Variants in FRMD1 observed in about 807,000 individuals in gnomAD.
FRMD1 encodes the protein FERM domain-containing protein 1.
Under a neutral mutation model 54.9 loss-of-function variants are expected in FRMD1, and 51 were observed. The observed-to-expected ratio is 0.93, with a 90% CI of 0.74 to 1.17. The LOEUF (loss-of-function observed/expected upper bound fraction) is 1.17, where lower values mean the gene tolerates loss of function less well. Among genes scored for constraint, FRMD1 ranks in the 50% most tolerant of loss-of-function variants. The pLI, the probability that FRMD1 is intolerant of heterozygous loss-of-function variation, is 0.00. For missense variants in FRMD1, 729 were observed against 743.0 expected (o/e 0.98, Z 0.22); for synonymous variants, 324 against 306.4 (o/e 1.06, Z -0.60).
At chr6:168,088,954 T>C (rs1157624190) in intron 1 of FRMD1, among the ~76,000 whole-genome samples, 1 of 144,536 alleles carries the variant, frequency 6.9e-6, no homozygotes, top group Non-Finnish European at 1.5e-5. Flanking sequence ...CAGACACTGA[T>C]CACACGTGCC....
chr6:168,081,499 T>C, upstream of FRMD1: 2 of 1,533,018 alleles, frequency 1.3e-6, no homozygotes, highest in Admixed American at 2.0e-5. Flanking sequence ...GGAGTCCTCC[T>C]CGGCCCAACT....
At position 168,061,032 on chromosome 6, in the gene FRMD1, A is replaced by C. The variant is rs368350903; in HGVS notation, c.1071T>G (p.Tyr357Ter). The C allele has an allele frequency of 1.9e-6, 3 of 1,611,784 alleles. No homozygotes were observed. Among genetic ancestry groups the C allele is most frequent in the Non-Finnish European group, 2.5e-6 (3 of 1,179,126 alleles). Residue 357 changes from tyrosine (Y) to a stop codon, truncating the protein, a stop_gained, in exon 9 of 11, where the codon TAT (tyrosine) becomes TAG (stop). Coordinates refer to ENST00000283309, the MANE Select transcript of FRMD1 (RefSeq NM_024919.6). LOFTEE classifies it high-confidence loss of function. ...GGTCCAGCTCCAGCTCATCGCTGATATAGGACTCCCGGTAGTGCTGCTTCT... is the reference window on the plus strand; with the variant it reads ...GGTCCAGCTCCAGCTCATCGCTGATCTAGGACTCCCGGTAGTGCTGCTTCT... ...AEEKQHYRES[Y>*]ISDELELDLA...
rs1799408232 is a variant in FRMD1, at chr6:168,056,458, G to C, written c.*639C>G. The C allele has an allele frequency of 6.6e-6, 1 of 152,516 alleles. No homozygotes were observed. The highest frequency in any genetic ancestry group is 2.4e-5 in the African/African-American group (1 of 41,452). 9.4% of individuals were successfully genotyped at this position (152,516 alleles called of 1,614,324 possible). On this transcript the variant is annotated 3_prime_UTR_variant, in exon 11 of 11. Transcript: ENST00000283309. ...GTGGGGTCTTTGGAAGCCCTGGCTT[G>C]GAAGGGAAAGCACAGCCATTGACTG...
chr6:168,067,240 A>G (rs1368051214), intron 3 of FRMD1, 127 bp downstream of exon 3: 6 of 670,334 alleles, frequency 9.0e-6, no homozygotes, highest in Non-Finnish European at 1.6e-5. Flanking sequence ...CTCTCTCCCA[A>G]CCCACGCATC....
At chr6:168,085,804 T>C (rs1424876254), upstream of FRMD1, among the ~76,000 whole-genome samples, 1 of 151,210 alleles carries the variant, frequency 6.6e-6, no homozygotes, top group Non-Finnish European at 1.5e-5. Context: ...AAGCCTTCCA[T>C]GGCTCCCTAT....
At chr6:168,066,867 G>A (rs753494961) in intron 3 of FRMD1, 36 bp from the exon 4 acceptor site, 14 of 1,605,722 alleles carry the variant, frequency 8.7e-6, no homozygotes, top group South Asian at 2.2e-5. Flanking sequence ...CAAGTGAGCC[G>A]CAGGGAGGTG....
chr6:168,076,156 G>A (rs999139837), intron 1 of FRMD1, among the ~76,000 whole-genome samples: 1 of 152,192 alleles, frequency 6.6e-6, no homozygotes, highest in Non-Finnish European at 1.5e-5. Context: ...AGCCTGTGAC[G>A]GAGGGTGCAG....
In FRMD1 at chr6:168,067,367, T is replaced by A; in HGVS notation, c.384A>T (p.Glu128Asp). 1 of 1,591,740 alleles carries A rather than the reference T, an allele frequency of 6.3e-7. No individual in the cohort carries two copies. Among genetic ancestry groups the A allele is most frequent in the Non-Finnish European group, 8.6e-7 (1 of 1,166,164 alleles). Reference protein sequence around the residue: ...FSKDWKKERNEGNEKPRAPFV... With the variant: ...FSKDWKKERNDGNEKPRAPFV... ...CTCCCACCCGACACTCTACACTTAC[T>A]TCATTTCTTTCTTTCTTCCAATCTT... The change falls in exon 3 of 11, where the codon GAA becomes GAT. Residue 128 changes from glutamate to aspartate, a missense_variant and splice_region_variant. By Grantham distance (45) the Glu-to-Asp change is conservative. Transcript: ENST00000283309.
At chr6:168,086,660 A>C (rs1408534746) in intron 1 of FRMD1, among the ~76,000 whole-genome samples, 9 of 152,184 alleles carry the variant, frequency 5.9e-5, no homozygotes, top group African/African-American at 1.9e-4. Flanking sequence ...CCATGTTCCC[A>C]CTGTGGACAT....
chr6:168,057,401 G>A, intron 10 of FRMD1, 62 bp from the exon 11 acceptor site: 1 of 1,576,070 alleles, frequency 6.3e-7, no homozygotes, highest in South Asian at 1.2e-5. Context: ...ACCGCACACG[G>A]CAGCCACACT....
chr6:168,064,440 G>T (rs1450528531), intron 5 of FRMD1, among the ~76,000 whole-genome samples: 1 of 152,194 alleles, frequency 6.6e-6, no homozygotes, highest in Non-Finnish European at 1.5e-5. Context: ...CCAGGGGGAT[G>T]CCACTCCTTC....
At chr6:168,070,120 A>G (rs1447314337) in intron 2 of FRMD1, among the ~76,000 whole-genome samples, 3 of 152,032 alleles carry the variant, frequency 2.0e-5, no homozygotes, top group Non-Finnish European at 2.9e-5. Context: ...GCCACTCAGG[A>G]GGCTGACGCC....
At chr6:168,073,936 G>C (rs1052897167) in intron 2 of FRMD1, among the ~76,000 whole-genome samples, 1 of 152,012 alleles carries the variant, frequency 6.6e-6, no homozygotes, top group East Asian at 1.9e-4. Flanking sequence ...GCAAGACAGG[G>C]GGATATTCAG....
intron 1 of FRMD1, chr6:168,075,664 CG>C (rs1451083863): frequency 6.0e-6 from 7 of 1,173,736 alleles, no homozygotes; most frequent in Non-Finnish European, 8.7e-6. Context: ...ACTCCAGGGC[CG>C]CCCTCTGGGC....
At chr6:168,064,684 T>G (rs1020510156) in intron 5 of FRMD1, among the ~76,000 whole-genome samples, 187 bp downstream of exon 5, 2 of 152,192 alleles carry the variant, frequency 1.3e-5, no homozygotes, top group African/African-American at 4.8e-5. Context: ...ACTGCCTGCC[T>G]TTGGGGGTGG....
At chr6:168,090,376 G>A (rs1197459411) in intron 1 of FRMD1, among the ~76,000 whole-genome samples, 6 of 152,130 alleles carry the variant, frequency 3.9e-5, no homozygotes, top group African/African-American at 7.2e-5. Flanking sequence ...GGACTTGTTC[G>A]CTCTCTGGCC....
chr6:168,060,063 G>A (rs1299934600), intron 9 of FRMD1, among the ~76,000 whole-genome samples: 5 of 120,084 alleles, frequency 4.2e-5, no homozygotes, highest in Non-Finnish European at 8.8e-5. Flanking sequence ...AAAGAGTTGG[G>A]GGAGTTCCTA....
chr6:168,074,546 T>C (rs1159157751), intron 2 of FRMD1, among the ~76,000 whole-genome samples: 1 of 150,390 alleles, frequency 6.6e-6, no homozygotes, highest in African/African-American at 2.5e-5. Flanking sequence ...GAGTAGTGTG[T>C]AATTGTGTGC....
intron 1 of FRMD1, among the ~76,000 whole-genome samples, chr6:168,088,516 G>C (rs896765938): frequency 1.3e-5 from 2 of 152,162 alleles, no homozygotes; most frequent in Non-Finnish European, 2.9e-5. Context: ...ATAAACACTC[G>C]CCTTGTGGGA....
Sources: gnomAD v4.1 joint callset for allele counts (sites outside exome capture counted in the v4.1 genomes callset) on GRCh38, gnomAD v4.1.1 for gene constraint, MANE v1.5 for transcripts, NCBI Gene and HGNC (gene_info 2026-07-23, HGNC 2026-07-21) for gene names.